The following RPL11 variants were observed in gnomAD, a reference collection of about 807,000 sequenced individuals.
The protein encoded by RPL11 is ribosomal protein L11, also known as large ribosomal subunit protein uL5.
Under a neutral mutation model 24.1 loss-of-function variants are expected in RPL11, and 3 were observed. The observed-to-expected ratio is 0.12, with a 90% CI of 0.06 to 0.32. The LOEUF (loss-of-function observed/expected upper bound fraction) is 0.32, where lower values mean the gene tolerates loss of function less well. Ranked by LOEUF, RPL11 falls within the 10% of genes least tolerant of loss-of-function variation. RPL11 has a pLI of 1.00. For missense variants in RPL11, 146 were observed against 225.7 expected (o/e 0.65, Z 2.26); for synonymous variants, 96 against 75.7 (o/e 1.27, Z -1.39).
At chr1:23,694,840 A>G (rs1433639545) in intron 4 of RPL11, 49 bp downstream of exon 4, 3 of 1,613,326 alleles carry the variant, frequency 1.9e-6, no homozygotes, top group African/African-American at 1.3e-5. Flanking sequence ...GGAGAGGGGA[A>G]TCTTTATTTC....
rs771742487 is a variant in RPL11 at position 23,696,396 on chromosome 1, G to GC, written c.*24dup. ...TAAATTCCCGTTTCTATCCAAAAGAGCAATAAAAAGTTTTCAGTGAAATGT... is the reference window on the plus strand; with the variant it reads ...TAAATTCCCGTTTCTATCCAAAAGAGCCAATAAAAAGTTTTCAGTGAAATGT... On this transcript the variant is annotated 3_prime_UTR_variant, in exon 6 of 6. Transcript: ENST00000643754. The GC allele has an allele frequency of 6.2e-7, 1 of 1,610,290 alleles. No individual in the cohort carries two copies. The highest frequency in any genetic ancestry group is 8.5e-7 in the Non-Finnish European group (1 of 1,176,510).
chr1:23,693,965 A>G, intron 3 of RPL11, 52 bp downstream of exon 3: 1 of 1,237,000 alleles, frequency 8.1e-7, no homozygotes. Flanking sequence ...CTTTAGTAAC[A>G]CATGTAGATA....
chr1:23,695,702 A>G, intron 4 of RPL11, 96 bp from the exon 5 acceptor site: 9 of 1,176,344 alleles, frequency 7.7e-6, no homozygotes, highest in Non-Finnish European at 1.1e-5. Context: ...TGGGCTGCCA[A>G]GTGACTCTTT....
intron 5 of RPL11, 101 bp from the exon 6 acceptor site, chr1:23,696,243 A>C (rs1416045431): frequency 6.9e-6 from 8 of 1,151,264 alleles, no homozygotes; most frequent in South Asian, 1.3e-5. Flanking sequence ...TCAGAGCCCA[A>C]GTTCATGTAT....
At chr1:23,694,047 C>T (rs1465233379) in intron 3 of RPL11, 134 bp downstream of exon 3, 1 of 745,242 alleles carries the variant, frequency 1.3e-6, no homozygotes, top group Non-Finnish European at 2.3e-6. Flanking sequence ...GCTTTTTCTA[C>T]AATCAGCAGG....
chr1:23,694,016 A>G (rs1358694733), intron 3 of RPL11, 103 bp downstream of exon 3: 5 of 898,656 alleles, frequency 5.6e-6, no homozygotes, highest in Non-Finnish European at 9.0e-6. Context: ...CTTGATATTT[A>G]TTTACTTAAG....
chr1:23,693,808 T>C lies in RPL11; in HGVS notation c.159T>C (p.Ala53=), dbSNP rs759090927. ...CTCCTTGTTACCCACTTCCTGCAGC[T>C]AGATACACTGTCAGATCCTTTGGCA... ...LTGQTPVFSK[A]RYTVRSFGIR... The change falls in exon 3 of 6, where the codon GCT becomes GCC. Residue 53 remains alanine, a splice_region_variant and synonymous_variant. Coordinates refer to ENST00000643754, the MANE Select transcript of RPL11 (RefSeq NM_000975.5). 17 of 1,613,492 alleles carry C rather than the reference T, an allele frequency of 1.1e-5. No homozygotes were observed. The highest frequency in any genetic ancestry group is 1.4e-5 in the Non-Finnish European group (17 of 1,179,428).
intron 3 of RPL11, among the ~76,000 whole-genome samples, chr1:23,694,367 G>A (rs1644520570): frequency 6.6e-6 from 1 of 151,442 alleles, no homozygotes; most frequent in South Asian, 2.1e-4. Context: ...CACAGAGTGA[G>A]ACTCTTGTCT....
At chr1:23,696,021 A>G (rs777724022) in intron 5 of RPL11, 113 bp downstream of exon 5, 3 of 1,074,506 alleles carry the variant, frequency 2.8e-6, no homozygotes, top group Admixed American at 2.0e-5. Context: ...TTAAAGTTAG[A>G]ATATTGGGCA....
intron 3 of RPL11, 129 bp from the exon 4 acceptor site, chr1:23,694,531 C>T: frequency 7.7e-7 from 1 of 1,299,548 alleles, no homozygotes; most frequent in Non-Finnish European, 1.1e-6. Flanking sequence ...AGGTTGTGTT[C>T]TCAGCCAAGT....
At chr1:23,691,961 G>A (rs1394232345) in intron 1 of RPL11, 132 bp downstream of exon 1, 6 of 1,169,928 alleles carry the variant, frequency 5.1e-6, no homozygotes, top group Non-Finnish European at 7.7e-6. Flanking sequence ...AAAACTAGCA[G>A]AGCCGTTCGA....
chr1:23,691,844 C>A lies in RPL11; in HGVS notation c.6+15C>A. On this transcript the variant is annotated intron_variant, in intron 1 of 5. Coordinates refer to ENST00000643754, the MANE Select transcript of RPL11 (RefSeq NM_000975.5). ...CCATCATGGCGGTGAGTAGCTGGGA[C>A]CTGGATTTGCTTTCCTTTATCCGTC... is the stretch of plus-strand genomic sequence containing the variant. 6.2e-7 allele frequency: 1 copy of A among 1,614,232 alleles called. No homozygotes were observed. Among genetic ancestry groups the A allele is most frequent in the Non-Finnish European group, 8.5e-7 (1 of 1,180,036 alleles).
intron 2 of RPL11, 141 bp downstream of exon 2, chr1:23,692,900 C>A: frequency 2.9e-5 from 19 of 644,474 alleles, no homozygotes; most frequent in Non-Finnish European, 4.2e-5. Flanking sequence ...CAAGAGGTGT[C>A]TTTTTTTTTT....
rs1373368617 is a variant in RPL11 at position 23,693,093 on chromosome 1, A to T, written c.157+334A>T. Among the ~76,000 whole-genome samples, 3 of 152,270 alleles carry T rather than the reference A, an allele frequency of 2.0e-5. No individual in the cohort carries two copies. In the East Asian group the frequency reaches 5.8e-4, roughly 29 times the overall value. On this transcript the variant is annotated intron_variant, in intron 2 of 5. Transcript: ENST00000643754. The stretch of plus-strand genomic sequence containing the variant: ...CAGTTAGGGTTATATAGGCTGCATT[A>T]AGAACAGGGCTGTACGGGAGCATGA...
At chr1:23,696,075 C>T in intron 5 of RPL11, 167 bp downstream of exon 5, 2 of 787,808 alleles carry the variant, frequency 2.5e-6, no homozygotes, top group East Asian at 2.7e-5. Context: ...TTTAAAAGAA[C>T]ATCCAGAACT....
chr1:23,693,653 T>C (rs896078473), intron 2 of RPL11, among the ~76,000 whole-genome samples, 154 bp from the exon 3 acceptor site: 6 of 152,326 alleles, frequency 3.9e-5, no homozygotes, highest in African/African-American at 1.4e-4. Flanking sequence ...ATCTTATTAA[T>C]AGATGTGGGA....
Position 23,696,430 on chromosome 1 carries a change from G to T in RPL11, c.*57G>T. 1 of 1,551,180 alleles carries T rather than the reference G, an allele frequency of 6.4e-7. No homozygotes were observed. Among genetic ancestry groups the T allele is most frequent in the South Asian group, 1.1e-5 (1 of 89,468 alleles). ...AGTTTTCAGTGAAATGTGCAATTCT[G>T]TTGTGTGTTCTGTGAAAGGATCCTG... is the stretch of plus-strand genomic sequence containing the variant. On this transcript the variant is annotated 3_prime_UTR_variant, in exon 6 of 6. Coordinates refer to ENST00000643754, the MANE Select transcript of RPL11 (RefSeq NM_000975.5).
In RPL11 at chr1:23,696,256, A is replaced by G. The variant is rs1397085859; in HGVS notation, c.508-88A>G. 5.6e-6 allele frequency: 7 copies of G among 1,243,084 alleles called. 1 individual carries two copies. The South Asian group carries it at 7.3e-5, about 13-fold the overall frequency. 77.0% of individuals were successfully genotyped at this position (1,243,084 alleles called of 1,614,324 possible). On this transcript the variant is annotated intron_variant, in intron 5 of 5. Transcript: ENST00000643754. ...ATTCAGAGCCCAAGTTCATGTATCA[A>G]TCAGATGTGAATTCTCAAAAGTTAG...
chr1:23,695,161 G>C, intron 4 of RPL11: 1 of 360,268 alleles, frequency 2.8e-6, no homozygotes, highest in Non-Finnish European at 5.4e-6. Context: ...TCTCCCCCTG[G>C]TTCTTCCTAT....
Sources: allele counts gnomAD v4.1 joint callset (sites outside exome capture counted in the v4.1 genomes callset), GRCh38; gene constraint gnomAD v4.1.1; transcripts MANE v1.5; gene names NCBI Gene and HGNC (gene_info 2026-07-23, HGNC 2026-07-21).